The following OCA2 variants were observed in gnomAD, a reference collection of about 807,000 sequenced individuals.
OCA2 encodes OCA2 melanosomal transmembrane protein.
In OCA2, 77 loss-of-function variants were observed where a neutral mutation model predicts 100.2. The ratio of observed to expected loss-of-function variants is 0.77; its 90% CI spans 0.64 to 0.93. The LOEUF is 0.93. OCA2 is among the 40% of genes least tolerant of loss of function. The probability of loss-of-function intolerance (pLI) is 0.00; values close to 1 mark genes in which losing one functional copy is unlikely to be tolerated. For synonymous variants in OCA2, 432 were observed against 439.2 expected (o/e 0.98, Z 0.21); for missense variants, 1,062 against 1,089.1 (o/e 0.98, Z 0.35).
At chr15:27,745,585 G>A in the OCA2 span, among the ~76,000 whole-genome samples, 583 of 152,280 alleles carry the variant, frequency 3.8e-3, 6 homozygotes, top group African/African-American at 0.013. Flanking sequence ...GTTTGAACAC[G>A]TCTGACACTT....
chr15:27,935,065 A>G (rs2140447497), intron 18 of OCA2, among the ~76,000 whole-genome samples: 1 of 152,228 alleles, frequency 6.6e-6, no homozygotes, highest in East Asian at 1.9e-4. Flanking sequence ...GACACTGACA[A>G]AGGGTGAGGC....
intron 3 of OCA2, among the ~76,000 whole-genome samples, chr15:28,030,090 T>C (rs1376728744): frequency 1.3e-5 from 2 of 152,224 alleles, no homozygotes; most frequent in Non-Finnish European, 2.9e-5. Flanking sequence ...AATAGGTGCG[T>C]AAAGTTTTTG....
At chr15:27,724,473 G>T in the OCA2 span, among the ~76,000 whole-genome samples, 5,310 of 152,176 alleles carry the variant, frequency 0.035, 310 homozygotes, top group African/African-American at 0.12. Flanking sequence ...TTAACTGATT[G>T]CCCCTTTTAA....
chr15:27,739,280 C>G, the OCA2 span, among the ~76,000 whole-genome samples: 1 of 152,014 alleles, frequency 6.6e-6, no homozygotes, highest in Non-Finnish European at 1.5e-5. Context: ...TCAACTCCAC[C>G]CCTAGGAAGG....
chr15:27,962,232 A>G (rs1356586514), intron 15 of OCA2, among the ~76,000 whole-genome samples: 6 of 152,202 alleles, frequency 3.9e-5, no homozygotes, highest in East Asian at 1.9e-4. Context: ...AGAAGACTCA[A>G]AACCCCAAAT....
chr15:27,738,254 A>C, the OCA2 span, among the ~76,000 whole-genome samples: 24 of 152,310 alleles, frequency 1.6e-4, no homozygotes, highest in Admixed American at 5.2e-4. Flanking sequence ...AACAAAAAAC[A>C]GCCCAAATAC....
chr15:27,893,156 G>C (rs1198419552), intron 19 of OCA2, among the ~76,000 whole-genome samples: 1 of 152,238 alleles, frequency 6.6e-6, no homozygotes, highest in Non-Finnish European at 1.5e-5. Context: ...AGCCGTGGCA[G>C]AGGAACATAA....
intron 9 of OCA2, among the ~76,000 whole-genome samples, chr15:28,006,244 G>A (rs1338582344): frequency 6.6e-6 from 1 of 152,128 alleles, no homozygotes; most frequent in Non-Finnish European, 1.5e-5. Flanking sequence ...TTCCTGCACT[G>A]GCTTCCTTTC....
At chr15:28,095,168 G>C (rs942111733) in intron 1 of OCA2, among the ~76,000 whole-genome samples, 22 of 152,330 alleles carry the variant, frequency 1.4e-4, no homozygotes, top group Admixed American at 1.2e-3. Flanking sequence ...TGGCCGCACG[G>C]CTGAGTGCTC....
At chr15:28,032,506 A>G (rs1469709565) in intron 2 of OCA2, among the ~76,000 whole-genome samples, 2 of 151,962 alleles carry the variant, frequency 1.3e-5, no homozygotes, top group Admixed American at 6.6e-5. Flanking sequence ...ATTCAGAGGG[A>G]CGGGCGCGGT....
intron 23 of OCA2, among the ~76,000 whole-genome samples, chr15:27,812,137 A>T (rs995501641): frequency 1.3e-5 from 2 of 152,186 alleles, no homozygotes; most frequent in Non-Finnish European, 2.9e-5. Flanking sequence ...CATGGGATAA[A>T]TGCTGGAGCG....
downstream of OCA2, among the ~76,000 whole-genome samples, chr15:27,754,296 G>A (rs17650960): frequency 0.26 from 40,019 of 152,142 alleles, 7,101 homozygotes; most frequent in Non-Finnish European, 0.39. Flanking sequence ...CCATCCTGAG[G>A]GCACCTGTGA....
At chr15:27,974,166 T>A (rs2040892684) in intron 14 of OCA2, among the ~76,000 whole-genome samples, 1 of 152,228 alleles carries the variant, frequency 6.6e-6, no homozygotes, top group Non-Finnish European at 1.5e-5. Flanking sequence ...TTGGGTACTC[T>A]TTATTTCTTT....
chr15:27,766,465 C>G (rs935440674), intron 23 of OCA2, among the ~76,000 whole-genome samples: 3 of 152,190 alleles, frequency 2.0e-5, no homozygotes, highest in African/African-American at 7.2e-5. Flanking sequence ...CCTTGTCTCT[C>G]TCTCCCTCAG....
At chr15:28,096,416 C>A (rs1045596582) in intron 1 of OCA2, among the ~76,000 whole-genome samples, 1 of 152,144 alleles carries the variant, frequency 6.6e-6, no homozygotes, top group African/African-American at 2.4e-5. Flanking sequence ...TCCGCAGGAG[C>A]GATGCTGTGA....
intron 9 of OCA2, among the ~76,000 whole-genome samples, chr15:28,013,736 G>A (rs1385676476): frequency 6.6e-6 from 1 of 152,152 alleles, no homozygotes; most frequent in Non-Finnish European, 1.5e-5. Flanking sequence ...TGCCGGGCAT[G>A]GCAATAAACC....
intron 6 of OCA2, among the ~76,000 whole-genome samples, chr15:28,020,739 CG>C (rs1284882482): frequency 6.6e-6 from 1 of 152,232 alleles, no homozygotes; most frequent in Non-Finnish European, 1.5e-5. Context: ...CACGTGCACA[CG>C]CACTCAGCTG....
rs201126000 is a variant in OCA2, at chr15:27,985,220, C to T, written c.1240-32G>A. ...ACACACACACAGAGAGAGTACAAGC[C>T]AGAGTGAGCAGGCTCGTAGAACAGA... On this transcript the variant is annotated intron_variant, in intron 12 of 23. Coordinates refer to ENST00000354638, the MANE Select transcript of OCA2 (RefSeq NM_000275.3). 1.2e-4 allele frequency: 186 copies of T among 1,612,946 alleles called. 2 individuals are homozygous for T. The African/African-American group carries it at 1.8e-3, about 16-fold the overall frequency.
At chr15:28,057,005 T>A (rs909928041) in intron 2 of OCA2, among the ~76,000 whole-genome samples, 21 of 152,354 alleles carry the variant, frequency 1.4e-4, no homozygotes, top group Admixed American at 2.6e-4. Context: ...AGGCAGTGGC[T>A]GCATTTCTAG....
Sources: allele counts gnomAD v4.1 joint callset (sites outside exome capture counted in the v4.1 genomes callset), GRCh38; gene constraint gnomAD v4.1.1; transcripts MANE v1.5; gene names NCBI Gene and HGNC (gene_info 2026-07-23, HGNC 2026-07-21).